The following PDE1A variants were observed in gnomAD, a reference collection of about 807,000 sequenced individuals.
PDE1A encodes the protein dual specificity calcium/calmodulin-dependent 3',5'-cyclic nucleotide phosphodiesterase 1A.
A neutral mutation model predicts 61.7 loss-of-function variants in PDE1A; 35 were observed. That is an observed-to-expected ratio of 0.57 (90% CI 0.43 to 0.75). The LOEUF (loss-of-function observed/expected upper bound fraction) is 0.75. Among genes scored for constraint, PDE1A ranks in the 30% least tolerant of loss-of-function variants. PDE1A has a pLI of 0.00. For synonymous variants in PDE1A, 232 were observed against 213.2 expected, an observed-to-expected ratio of 1.09 and a Z score of -0.77; for missense variants, 597 against 630.6, an observed-to-expected ratio of 0.95 and a Z score of 0.57.
intron 13 of PDE1A, among the ~76,000 whole-genome samples, chr2:182,159,040 A>G (rs1262894834): frequency 6.6e-6 from 1 of 152,202 alleles, no homozygotes; most frequent in African/African-American, 2.4e-5. Context: ...AAAATTAGGG[A>G]AGCTGAAGAG....
chr2:182,352,072 G>A (rs934664166), intron 1 of PDE1A, among the ~76,000 whole-genome samples: 3 of 152,132 alleles, frequency 2.0e-5, no homozygotes, highest in African/African-American at 4.8e-5. Context: ...ATGTGCTGCC[G>A]TGTGTGCACC....
chr2:182,624,531 C>T, the PDE1A span, among the ~76,000 whole-genome samples: 3 of 152,136 alleles, frequency 2.0e-5, no homozygotes, highest in African/African-American at 4.8e-5. Context: ...ACGCAGAAAC[C>T]TTTCTTTTAT....
the PDE1A span, among the ~76,000 whole-genome samples, chr2:182,626,740 T>C: frequency 2.4e-4 from 7 of 28,642 alleles, no homozygotes; most frequent in Admixed American, 2.0e-3. Flanking sequence ...TATATATACA[T>C]ATATATACAT....
chr2:182,700,750 A>AAAAAC, the PDE1A span, among the ~76,000 whole-genome samples: 42 of 144,758 alleles, frequency 2.9e-4, no homozygotes, highest in African/African-American at 1.1e-3. Flanking sequence ...ACAGAAAGAA[A>AAAAAC]AGAAAAAGAA....
In PDE1A at chr2:182,152,549, T is replaced by C. The variant is rs536406383; in HGVS notation, c.1517-5397A>G. On this transcript the variant is annotated intron_variant, in intron 13 of 13. Coordinates refer to the PDE1A transcript ENST00000409365. ...GATTCTCCTGCCTCACCCTCCCAAG[T>C]AGCTGGGATTACAGGTACCTGCCAC... Among the ~76,000 whole-genome samples, 111 of 151,358 alleles carry C rather than the reference T, an allele frequency of 7.3e-4. 1 individual carries two copies. The highest frequency in any genetic ancestry group is 2.5e-3 in the African/African-American group (103 of 41,260).
At chr2:182,639,960 T>C in the PDE1A span, among the ~76,000 whole-genome samples, 6 of 140,176 alleles carry the variant, frequency 4.3e-5, no homozygotes, top group Non-Finnish European at 7.7e-5. Flanking sequence ...CTCAACAATA[T>C]GGTCTATTCC....
intron 1 of PDE1A, among the ~76,000 whole-genome samples, chr2:182,411,272 T>C (rs1242450539): frequency 6.6e-6 from 1 of 152,204 alleles, no homozygotes; most frequent in Admixed American, 6.5e-5. Flanking sequence ...AATCACACAA[T>C]ATATTTTTTG....
At chr2:182,667,473 A>G in the PDE1A span, among the ~76,000 whole-genome samples, 1 of 152,216 alleles carries the variant, frequency 6.6e-6, no homozygotes. Flanking sequence ...AGTGCTCTTC[A>G]GAGTGTGGGT....
chr2:182,260,545 G>A (rs551529513), intron 2 of PDE1A, among the ~76,000 whole-genome samples: 67 of 152,188 alleles, frequency 4.4e-4, no homozygotes, highest in African/African-American at 1.5e-3. Context: ...TCATGAAATC[G>A]CAGCTCTTAG....
At chr2:182,712,557 A>AT in the PDE1A span, among the ~76,000 whole-genome samples, 2 of 151,926 alleles carry the variant, frequency 1.3e-5, no homozygotes, top group African/African-American at 2.4e-5. Flanking sequence ...ATTCTTTTCC[A>AT]TTTTTTTCTT....
At chr2:182,254,829 G>C (rs1234201377) in intron 2 of PDE1A, among the ~76,000 whole-genome samples, 2 of 152,096 alleles carry the variant, frequency 1.3e-5, no homozygotes, top group Non-Finnish European at 2.9e-5. Context: ...GTTGTGGTTT[G>C]AGAAAGCACT....
the PDE1A span, among the ~76,000 whole-genome samples, chr2:182,592,820 T>C: frequency 6.6e-6 from 1 of 152,310 alleles, no homozygotes; most frequent in Admixed American, 6.5e-5. Context: ...AGTTGATACA[T>C]TTGTCAAAAC....
the PDE1A span, among the ~76,000 whole-genome samples, chr2:182,653,990 C>T: frequency 1.6e-4 from 24 of 152,110 alleles, no homozygotes; most frequent in African/African-American, 9.7e-5. Flanking sequence ...ATGAAATGAT[C>T]TGTGAAATAT....
chr2:182,360,863 T>C (rs933281672), intron 1 of PDE1A, among the ~76,000 whole-genome samples: 1 of 152,060 alleles, frequency 6.6e-6, no homozygotes, highest in African/African-American at 2.4e-5. Context: ...AAACAAGTCC[T>C]GGGTCCTCAA....
At chr2:182,291,934 T>A (rs1328025311) in intron 1 of PDE1A, among the ~76,000 whole-genome samples, 12 of 152,106 alleles carry the variant, frequency 7.9e-5, no homozygotes, top group Non-Finnish European at 1.2e-4. Flanking sequence ...CCCCTAAATA[T>A]CGTTTTGCAT....
the PDE1A span, among the ~76,000 whole-genome samples, chr2:182,609,322 T>A: frequency 1.3e-5 from 2 of 152,362 alleles, no homozygotes; most frequent in Non-Finnish European, 2.9e-5. Context: ...CAGCAGGATG[T>A]GCGTGGCACC....
intron 1 of PDE1A, among the ~76,000 whole-genome samples, chr2:182,352,570 A>G (rs1381005441): frequency 1.3e-5 from 2 of 152,236 alleles, no homozygotes; most frequent in African/African-American, 2.4e-5. Flanking sequence ...AAATAAACCA[A>G]TAAAGAAAGG....
At chr2:182,624,059 A>G in the PDE1A span, among the ~76,000 whole-genome samples, 2 of 147,732 alleles carry the variant, frequency 1.4e-5, no homozygotes, top group Non-Finnish European at 3.0e-5. Context: ...CGGGAGGCAG[A>G]GCTTGCAGCG....
At chr2:182,446,389 C>A (rs949904051) in intron 2 of PDE1A, among the ~76,000 whole-genome samples, 1 of 151,922 alleles carries the variant, frequency 6.6e-6, no homozygotes, top group Non-Finnish European at 1.5e-5. Context: ...TGCTGTTTAC[C>A]CCAAATAAAA....
Sources: gnomAD v4.1 joint callset for allele counts (sites outside exome capture counted in the v4.1 genomes callset) on GRCh38, gnomAD v4.1.1 for gene constraint, MANE v1.5 for transcripts, NCBI Gene and HGNC (gene_info 2026-07-23, HGNC 2026-07-21) for gene names.